The following DHX8 variants were observed in gnomAD, a reference collection of about 807,000 sequenced individuals.
DHX8 encodes ATP-dependent RNA helicase DHX8.
Under a neutral mutation model 140.7 loss-of-function variants are expected in DHX8, and 67 were observed. The ratio of observed to expected loss-of-function variants is 0.48; its 90% CI spans 0.39 to 0.58. The LOEUF (loss-of-function observed/expected upper bound fraction) is 0.58. Ranked by LOEUF, DHX8 falls within the 20% of genes least tolerant of loss-of-function variation. The pLI, the probability that DHX8 is intolerant of heterozygous loss-of-function variation, is 0.00. For missense variants in DHX8, 887 were observed against 1,550.7 expected, an observed-to-expected ratio of 0.57 and a Z score of 7.19; for synonymous variants, 533 against 553.2, an observed-to-expected ratio of 0.96 and a Z score of 0.51.
chr17:43,486,281 C>G (rs532479082), intron 1 of DHX8, among the ~76,000 whole-genome samples: 5 of 149,988 alleles, frequency 3.3e-5, no homozygotes, highest in Non-Finnish European at 7.4e-5. Context: ...GGTTTAATAA[C>G]AGAAAGGCAT....
chr17:43,490,374 T>C lies in DHX8; in HGVS notation c.235-17T>C. On this transcript the variant is annotated splice_polypyrimidine_tract_variant and intron_variant, in intron 2 of 22. Transcript: ENST00000262415. ...ATATGGGAGCTGACAATTTTCGTTCTATGTTTCTTTTCAAAGGATTCTCTT... is the reference window on the plus strand; with the variant it reads ...ATATGGGAGCTGACAATTTTCGTTCCATGTTTCTTTTCAAAGGATTCTCTT... The C allele has an allele frequency of 6.2e-7, 1 of 1,610,424 alleles. No homozygotes were observed. The highest frequency in any genetic ancestry group is 8.5e-7 in the Non-Finnish European group (1 of 1,177,814).
At chr17:43,537,797 A>G (rs938824054) in intron 3 of DHX8, among the ~76,000 whole-genome samples, 1 of 152,092 alleles carries the variant, frequency 6.6e-6, no homozygotes. Context: ...GTTTGAGACC[A>G]GCCTGACCAG....
chr17:43,540,110 C>T (rs1360367291), intron 3 of DHX8, among the ~76,000 whole-genome samples: 1 of 152,164 alleles, frequency 6.6e-6, no homozygotes, highest in East Asian at 1.9e-4. Flanking sequence ...GGCAAAAAGA[C>T]AACCATTCCC....
chr17:43,492,582 G>T (rs1451393504), intron 5 of DHX8, 99 bp from the exon 6 acceptor site: 2 of 704,814 alleles, frequency 2.8e-6, no homozygotes, highest in Admixed American at 5.3e-5. Context: ...AAACCTAGTG[G>T]GTACCTACCA....
At chr17:43,530,898 T>A (rs974753308), downstream of DHX8, among the ~76,000 whole-genome samples, 1 of 151,252 alleles carries the variant, frequency 6.6e-6, no homozygotes, top group Non-Finnish European at 1.5e-5. Flanking sequence ...GGCGGGAGGG[T>A]GGGCTCATTC....
intron 1 of DHX8, among the ~76,000 whole-genome samples, chr17:43,487,057 CA>C (rs996371251): frequency 2.0e-5 from 3 of 152,096 alleles, no homozygotes; most frequent in Non-Finnish European, 2.9e-5. Context: ...TAGCTCCCCC[CA>C]GTTATTATTG....
chr17:43,538,140 CAAA>C (rs34924870), intron 3 of DHX8, among the ~76,000 whole-genome samples: 12 of 110,708 alleles, frequency 1.1e-4, no homozygotes, highest in African/African-American at 1.4e-4. Flanking sequence ...GACTCCATTT[CAAA>C]AAAAAAAAAA....
chr17:43,519,088 G>A (rs1423352605), intron 18 of DHX8: 3 of 152,194 alleles, frequency 2.0e-5, no homozygotes, highest in Admixed American at 6.5e-5. Flanking sequence ...ATCTGTTTGA[G>A]TCTGCTTTCA....
chr17:43,496,810 A>G (rs1284838446), intron 9 of DHX8, among the ~76,000 whole-genome samples: 1 of 152,016 alleles, frequency 6.6e-6, no homozygotes, highest in Non-Finnish European at 1.5e-5. Flanking sequence ...ATAAAAAGTT[A>G]TAATTGTATT....
intron 12 of DHX8, among the ~76,000 whole-genome samples, 166 bp from the exon 13 acceptor site, chr17:43,506,834 ACTT>A (rs2154586637): frequency 6.6e-6 from 1 of 152,196 alleles, no homozygotes; most frequent in Admixed American, 6.5e-5. Flanking sequence ...TTCATTGTTG[ACTT>A]CTTTAACTAT....
At chr17:43,487,887 G>C (rs969069615) in intron 1 of DHX8, among the ~76,000 whole-genome samples, 3 of 152,108 alleles carry the variant, frequency 2.0e-5, no homozygotes, top group Non-Finnish European at 2.9e-5. Context: ...TGAGACAAGA[G>C]AATTGCTTGA....
intron 5 of DHX8, 143 bp from the exon 6 acceptor site, chr17:43,492,538 G>C (rs1321341788): frequency 1.1e-5 from 7 of 637,504 alleles, no homozygotes; most frequent in Non-Finnish European, 1.7e-5. Flanking sequence ...GGCTTATAGG[G>C]ATGTCGTAGT....
intron 3 of DHX8, among the ~76,000 whole-genome samples, chr17:43,541,948 C>T (rs1269074520): frequency 1.3e-5 from 2 of 152,158 alleles, no homozygotes; most frequent in Non-Finnish European, 2.9e-5. Flanking sequence ...TGTACATGCA[C>T]TCGGACGCAT....
chr17:43,528,671 T>G (rs756841203), downstream of DHX8: 1 of 1,614,194 alleles, frequency 6.2e-7, no homozygotes, highest in Admixed American at 1.7e-5. Flanking sequence ...GGACGCTGAT[T>G]GTCCGGGAAG....
At position 43,492,814 on chromosome 17, in the gene DHX8, C is replaced by T. The variant is rs757164793; in HGVS notation, c.637C>T (p.Arg213Trp). ...CCGCTCTCGATCACGTTCCAGGACC[C>T]GGGAGAGGAATAAAGTGAAGTCTAG... ...RSRSRSRSRT[R>W]ERNKVKSRYR... Residue 213 changes from arginine to tryptophan, a missense_variant, in exon 6 of 23, where the codon CGG becomes TGG. Around this residue, in one of 9 missense-constraint regions of DHX8, gnomAD observed 304 missense variants for 306.9 expected, o/e 0.99. Coordinates refer to ENST00000262415, the MANE Select transcript of DHX8 (RefSeq NM_004941.3). The T allele has an allele frequency of 9.9e-6, 16 of 1,614,048 alleles. No individual in the cohort carries two copies. The highest frequency in any genetic ancestry group is 1.3e-5 in the African/African-American group (1 of 74,970).
intron 3 of DHX8, among the ~76,000 whole-genome samples, chr17:43,542,613 G>C (rs1971580740): frequency 6.6e-6 from 1 of 152,024 alleles, no homozygotes; most frequent in South Asian, 2.1e-4. Context: ...ATTCACCCCT[G>C]TGTACAAAAA....
intron 3 of DHX8, among the ~76,000 whole-genome samples, chr17:43,539,158 C>T (rs1049417238): frequency 2.6e-5 from 4 of 152,164 alleles, no homozygotes; most frequent in Non-Finnish European, 4.4e-5. Context: ...GAAATCCAAA[C>T]GCTTGCCCTT....
chr17:43,541,782 A>G (rs768218902), intron 3 of DHX8, among the ~76,000 whole-genome samples: 2 of 152,150 alleles, frequency 1.3e-5, no homozygotes, highest in Non-Finnish European at 2.9e-5. Context: ...CTGTACTGGA[A>G]GGAACCAGTT....
In DHX8 at chr17:43,521,422, G is replaced by A. The variant is rs202016774; in HGVS notation, c.3120G>A (p.Gly1040=). Residue 1040 remains glycine, a synonymous_variant, in exon 21 of 23, where the codon GGG becomes GGA. Transcript: ENST00000262415. ...AGGCCAAATTCCACCAGACTGAAGG[G>A]GACCACCTCACCCTGCTAGCTGTGT... ...QKKAKFHQTE[G]DHLTLLAVYN... The A allele has an allele frequency of 6.8e-6, 11 of 1,613,670 alleles. No individual in the cohort carries two copies. Among genetic ancestry groups the A allele is most frequent in the African/African-American group, 1.3e-5 (1 of 74,796 alleles).
Sources: allele counts gnomAD v4.1 joint callset (sites outside exome capture counted in the v4.1 genomes callset), GRCh38; gene constraint gnomAD v4.1.1; regional missense constraint gnomAD v4.1.1; transcripts MANE v1.5; gene names NCBI Gene and HGNC (gene_info 2026-07-23, HGNC 2026-07-21).